Variants in TRHDE observed in about 807,000 individuals in gnomAD.
TRHDE encodes thyrotropin-releasing hormone-degrading ectoenzyme.
In TRHDE, 72 loss-of-function variants were observed where a neutral mutation model predicts 125.7. The observed-to-expected ratio is 0.57, with a 90% CI of 0.47 to 0.70. The LOEUF (loss-of-function observed/expected upper bound fraction) is 0.70. Among genes scored for constraint, TRHDE ranks in the 30% least tolerant of loss-of-function variants. The pLI is 0.00. For synonymous variants in TRHDE, 509 were observed against 509.1 expected (o/e 1.00, Z 0.00); for missense variants, 1,110 against 1,327.1 (o/e 0.84, Z 2.54).
intron 2 of TRHDE, among the ~76,000 whole-genome samples, chr12:72,107,512 G>A (rs867467694): frequency 1.2e-4 from 18 of 152,128 alleles, no homozygotes; most frequent in African/African-American, 4.1e-4. Context: ...TCTCTCTGTT[G>A]ATTGGATGTA....
At position 72,615,071 on chromosome 12, in the gene TRHDE, A is replaced by G. The variant is rs74105933; in HGVS notation, c.2322-3820A>G. On this transcript the variant is annotated intron_variant, in intron 12 of 18. Transcript: ENST00000261180. ...GGGAGGAGCAGCTGTCTAGCTGCATATGGACAATCTTTTATTTATTTTTGT... is the reference window on the plus strand; with the variant it reads ...GGGAGGAGCAGCTGTCTAGCTGCATGTGGACAATCTTTTATTTATTTTTGT... Among the ~76,000 whole-genome samples, 706 of 152,226 alleles carry G rather than the reference A, an allele frequency of 4.6e-3. 11 individuals carry two copies. Among genetic ancestry groups the G allele is most frequent in the African/African-American group, 0.016 (678 of 41,546 alleles).
At chr12:72,514,481 A>G (rs1464344573) in intron 6 of TRHDE, among the ~76,000 whole-genome samples, 1 of 152,098 alleles carries the variant, frequency 6.6e-6, no homozygotes, top group African/African-American at 2.4e-5. Context: ...ACAGATTAAA[A>G]AAGAGCTAAA....
At chr12:72,244,798 A>G (rs1306616623) in intron 2 of TRHDE, among the ~76,000 whole-genome samples, 2 of 152,160 alleles carry the variant, frequency 1.3e-5, no homozygotes, top group South Asian at 2.1e-4. Context: ...GGAATGATAT[A>G]AAATCCTGAC....
intron 12 of TRHDE, among the ~76,000 whole-genome samples, chr12:72,601,809 A>G (rs900301104): frequency 1.3e-5 from 2 of 152,174 alleles, no homozygotes; most frequent in South Asian, 2.1e-4. Context: ...TAACTAGGCT[A>G]TGGTACAACG....
intron 2 of TRHDE, among the ~76,000 whole-genome samples, chr12:72,288,116 A>G (rs1406747313): frequency 6.6e-6 from 1 of 152,098 alleles, no homozygotes; most frequent in African/African-American, 2.4e-5. Flanking sequence ...GTGTTTCACC[A>G]TTTCACTTGT....
chr12:72,422,459 T>C (rs1873999120), intron 3 of TRHDE, among the ~76,000 whole-genome samples: 1 of 152,210 alleles, frequency 6.6e-6, no homozygotes, highest in African/African-American at 2.4e-5. Flanking sequence ...TTTTCAATTC[T>C]AGCGTGTGAT....
intron 3 of TRHDE, among the ~76,000 whole-genome samples, chr12:72,406,357 T>A (rs1370232864): frequency 6.6e-6 from 1 of 152,114 alleles, no homozygotes; most frequent in African/African-American, 2.4e-5. Flanking sequence ...TCCAGCAAAG[T>A]CTAGGAAAAA....
intron 2 of TRHDE, among the ~76,000 whole-genome samples, chr12:72,358,140 G>A (rs1870904782): frequency 6.6e-6 from 1 of 151,536 alleles, no homozygotes; most frequent in South Asian, 2.1e-4. Context: ...AACATGAATG[G>A]TTTAAAATTA....
chr12:72,564,147 T>A (rs953816973), intron 9 of TRHDE, among the ~76,000 whole-genome samples: 34 of 152,200 alleles, frequency 2.2e-4, no homozygotes, highest in Admixed American at 6.5e-4. Context: ...AGTCTATATT[T>A]ACCTTCAACA....
intron 6 of TRHDE, among the ~76,000 whole-genome samples, chr12:72,534,524 CAG>C (rs1431061099): frequency 2.6e-5 from 4 of 152,010 alleles, no homozygotes; most frequent in African/African-American, 9.7e-5. Context: ...AATTTCTTGA[CAG>C]GGGAGATTGA....
intron 6 of TRHDE, among the ~76,000 whole-genome samples, chr12:72,535,676 A>G (rs1868820897): frequency 6.6e-6 from 1 of 151,784 alleles, no homozygotes; most frequent in African/African-American, 2.4e-5. Flanking sequence ...TATAGCTATC[A>G]TATTATTATG....
At chr12:72,338,667 T>C (rs532100995) in intron 2 of TRHDE, among the ~76,000 whole-genome samples, 6 of 152,274 alleles carry the variant, frequency 3.9e-5, no homozygotes, top group African/African-American at 1.4e-4. Context: ...GTGCAAACAA[T>C]GATGTGCCAT....
chr12:72,542,116 C>A lies in TRHDE; in HGVS notation c.1723-175C>A, dbSNP rs552892257. Among the ~76,000 whole-genome samples the A allele has an allele frequency of 1.1e-4, 17 of 151,232 alleles. 1 individual carries two copies. In the South Asian group the frequency reaches 3.5e-3, roughly 31 times the overall value. On this transcript the variant is annotated intron_variant, in intron 6 of 18. Transcript: ENST00000261180. ...ACACAAAACTTTAAAATTCACAAGA[C>A]CAAAAAAATGAAATTGTTATCACTA...
chr12:72,522,018 C>A lies in TRHDE; in HGVS notation c.1723-20273C>A, dbSNP rs375447507. On this transcript the variant is annotated intron_variant, in intron 6 of 18. Coordinates refer to ENST00000261180, the MANE Select transcript of TRHDE (RefSeq NM_013381.3). ...TGTATATAATACTATGTACCAGATA[C>A]TTTTGTGTATGTTTTTTACGTATAT... is the stretch of plus-strand genomic sequence containing the variant. 1.7e-4 allele frequency among the ~76,000 whole-genome samples: 26 copies of A among 152,248 alleles called. 1 individual carries two copies. In the South Asian group the frequency reaches 5.4e-3, roughly 31 times the overall value.
intron 2 of TRHDE, among the ~76,000 whole-genome samples, chr12:72,239,842 T>C (rs1254783965): frequency 6.6e-6 from 1 of 152,216 alleles, no homozygotes; most frequent in Non-Finnish European, 1.5e-5. Context: ...ACAGCATCCA[T>C]TACCTAAAGT....
At chr12:72,253,914 T>C (rs1878745690) in intron 2 of TRHDE, 1 of 152,066 alleles carries the variant, frequency 6.6e-6, no homozygotes, top group East Asian at 1.9e-4. Flanking sequence ...TCATGAAGTA[T>C]TATAAATGAA....
intron 2 of TRHDE, among the ~76,000 whole-genome samples, chr12:72,198,492 A>G (rs1592479962): frequency 6.6e-6 from 1 of 152,124 alleles, no homozygotes; most frequent in Admixed American, 6.5e-5. Context: ...TATTTGTTGA[A>G]TAATAAAGGC....
chr12:72,475,631 A>G (rs1876855937), intron 5 of TRHDE, among the ~76,000 whole-genome samples: 1 of 152,194 alleles, frequency 6.6e-6, no homozygotes, highest in South Asian at 2.1e-4. Flanking sequence ...AGAGGTATTG[A>G]AAATGAACAC....
chr12:72,590,588 T>C (rs1391907236), intron 12 of TRHDE, among the ~76,000 whole-genome samples: 1 of 152,156 alleles, frequency 6.6e-6, no homozygotes, highest in Non-Finnish European at 1.5e-5. Context: ...TCCTTGTACC[T>C]GGTGATACAT....
Sources: allele counts gnomAD v4.1 joint callset (sites outside exome capture counted in the v4.1 genomes callset), GRCh38; gene constraint gnomAD v4.1.1; transcripts MANE v1.5; gene names NCBI Gene and HGNC (gene_info 2026-07-23, HGNC 2026-07-21).